Variants in AUTS2 observed in about 807,000 individuals in gnomAD.
The protein encoded by AUTS2 is autism susceptibility gene 2 protein.
A neutral mutation model predicts 112.4 loss-of-function variants in AUTS2; 17 were observed. That is an observed-to-expected ratio of 0.15 (90% CI 0.10 to 0.23). AUTS2 has a LOEUF of 0.23. Ranked by LOEUF, AUTS2 falls within the 10% of genes least tolerant of loss-of-function variation. The probability of loss-of-function intolerance (pLI) is 1.00; values close to 1 mark genes in which losing one functional copy is unlikely to be tolerated. For synonymous variants in AUTS2, 751 were observed against 702.7 expected (o/e 1.07, Z -1.09); for missense variants, 1,510 against 1,701.6 (o/e 0.89, Z 1.98).
intron 4 of AUTS2, among the ~76,000 whole-genome samples, chr7:70,177,919 T>G (rs1463858634): frequency 4.4e-5 from 6 of 136,244 alleles, no homozygotes; most frequent in African/African-American, 8.5e-5. Context: ...CATAATTCTG[T>G]TTTTTTTTTT....
At chr7:70,021,223 C>T (rs1048452920) in intron 2 of AUTS2, among the ~76,000 whole-genome samples, 1 of 151,520 alleles carries the variant, frequency 6.6e-6, no homozygotes, top group African/African-American at 2.4e-5. Flanking sequence ...CTCAGGTGAT[C>T]CGCCCGCCTT....
intron 1 of AUTS2, among the ~76,000 whole-genome samples, chr7:69,792,066 A>T (rs944095804): frequency 2.6e-5 from 4 of 152,012 alleles, no homozygotes; most frequent in Non-Finnish European, 5.9e-5. Flanking sequence ...TTAATAAAGG[A>T]ATAGAAATTA....
chr7:70,015,763 C>G (rs1799999052), intron 2 of AUTS2, among the ~76,000 whole-genome samples: 1 of 150,946 alleles, frequency 6.6e-6, no homozygotes, highest in Non-Finnish European at 1.5e-5. Context: ...GGAAATGTCT[C>G]TATTCTGTTT....
chr7:70,234,587 T>C (rs2129597812), intron 4 of AUTS2, among the ~76,000 whole-genome samples: 1 of 152,332 alleles, frequency 6.6e-6, no homozygotes, highest in East Asian at 1.9e-4. Context: ...ACTGAGCCTC[T>C]TTTGGTCTCT....
chr7:69,805,513 T>G (rs1410263590), intron 1 of AUTS2, among the ~76,000 whole-genome samples: 2 of 151,948 alleles, frequency 1.3e-5, no homozygotes, highest in Non-Finnish European at 2.9e-5. Flanking sequence ...GGTACAGGAA[T>G]AGAATGTGAC....
intron 1 of AUTS2, among the ~76,000 whole-genome samples, chr7:69,754,385 T>C (rs1388546556): frequency 6.6e-6 from 1 of 152,202 alleles, no homozygotes; most frequent in African/African-American, 2.4e-5. Flanking sequence ...TTTCTGTCTT[T>C]AGACTTTTAC....
intron 2 of AUTS2, 135 bp from the exon 3 acceptor site, chr7:70,117,997 C>G: frequency 3.6e-6 from 4 of 1,118,144 alleles, no homozygotes; most frequent in Non-Finnish European, 3.6e-6. Context: ...ATCCTCCTAC[C>G]TCTGCCTCCG....
intron 1 of AUTS2, among the ~76,000 whole-genome samples, chr7:69,861,389 G>A (rs1321578136): frequency 6.6e-6 from 1 of 152,098 alleles, no homozygotes; most frequent in Non-Finnish European, 1.5e-5. Context: ...TCTTGCCTGT[G>A]GATGTTCCCT....
chr7:70,095,367 A>G (rs114814433), intron 2 of AUTS2, among the ~76,000 whole-genome samples: 38 of 152,302 alleles, frequency 2.5e-4, no homozygotes, highest in African/African-American at 5.8e-4. Flanking sequence ...TCTTACAACT[A>G]CGTGTACTAC....
In AUTS2 at chr7:70,766,108, T is replaced by C; in HGVS notation, c.1469-6T>C. ...GCGTCATCGTCTCCCTCTTCTTCTC[T>C]TCCAGAGCAAGACATCTTGCGACAG... On this transcript the variant is annotated splice_polypyrimidine_tract_variant and splice_region_variant and intron_variant, in intron 8 of 18. Transcript: ENST00000342771. The surrounding 1 kb of genome is among the most constrained non-coding windows in gnomAD (Gnocchi z 4.8). The C allele has an allele frequency of 6.2e-7, 1 of 1,611,468 alleles. No homozygotes were observed. Among genetic ancestry groups the C allele is most frequent in the Non-Finnish European group, 8.5e-7 (1 of 1,177,782 alleles).
At chr7:69,796,139 C>G (rs1412919686) in intron 1 of AUTS2, among the ~76,000 whole-genome samples, 1 of 152,140 alleles carries the variant, frequency 6.6e-6, no homozygotes, top group African/African-American at 2.4e-5. Flanking sequence ...GTTTTCAGTT[C>G]CTTTTCGCAT....
intron 4 of AUTS2, among the ~76,000 whole-genome samples, chr7:70,357,261 A>T (rs529063909): frequency 3.3e-5 from 5 of 152,186 alleles, no homozygotes; most frequent in Non-Finnish European, 7.3e-5. Flanking sequence ...TCTCATCCCC[A>T]GGTGCCCAGC....
At chr7:69,937,224 G>A (rs1796448113) in intron 2 of AUTS2, among the ~76,000 whole-genome samples, 2 of 152,200 alleles carry the variant, frequency 1.3e-5, no homozygotes, top group South Asian at 4.1e-4. Context: ...CAGAATTGAG[G>A]AGGGAGATTG....
chr7:69,648,722 G>C (rs1795154109), intron 1 of AUTS2, among the ~76,000 whole-genome samples: 1 of 152,088 alleles, frequency 6.6e-6, no homozygotes, highest in Admixed American at 6.5e-5. Flanking sequence ...TCATGTAGGG[G>C]GAGGATGTGT....
chr7:70,270,321 G>T (rs1442558647), intron 4 of AUTS2, among the ~76,000 whole-genome samples: 2 of 152,162 alleles, frequency 1.3e-5, no homozygotes, highest in Non-Finnish European at 2.9e-5. Flanking sequence ...TGTGGAGTTA[G>T]TATTGGGTTT....
intron 1 of AUTS2, among the ~76,000 whole-genome samples, chr7:69,656,972 A>G (rs1795568185): frequency 2.0e-5 from 3 of 151,986 alleles, no homozygotes; most frequent in Admixed American, 2.0e-4. Context: ...GAATGGGAGG[A>G]TCTAAGTCTG....
At chr7:70,287,160 G>A (rs1014313527) in intron 4 of AUTS2, among the ~76,000 whole-genome samples, 1 of 152,048 alleles carries the variant, frequency 6.6e-6, no homozygotes, top group Non-Finnish European at 1.5e-5. Context: ...TATGAGATTC[G>A]CTGGATCTCT....
intron 4 of AUTS2, among the ~76,000 whole-genome samples, chr7:70,390,087 C>T (rs145720906): frequency 6.6e-6 from 1 of 152,324 alleles, no homozygotes; most frequent in African/African-American, 2.4e-5. Context: ...GAGTTCACAA[C>T]AGCTCACACA....
intron 1 of AUTS2, among the ~76,000 whole-genome samples, chr7:69,740,545 TGG>T (rs1787220076): frequency 6.6e-6 from 1 of 151,712 alleles, no homozygotes; most frequent in African/African-American, 2.4e-5. Context: ...TTTTTTGAGA[TGG>T]AGGTTTGCTC....
Sources: allele counts gnomAD v4.1 joint callset (sites outside exome capture counted in the v4.1 genomes callset), GRCh38; gene constraint gnomAD v4.1.1; non-coding constraint Gnocchi (gnomAD v3.1); transcripts MANE v1.5; gene names NCBI Gene and HGNC (gene_info 2026-07-23, HGNC 2026-07-21).